Variants in VAV2 observed in about 807,000 individuals in gnomAD.
VAV2 encodes the protein guanine nucleotide exchange factor VAV2.
VAV2 carries 67 observed loss-of-function variants against 132.5 expected under a neutral mutation model. The observed-to-expected ratio is 0.51, with a 90% CI of 0.42 to 0.62. The LOEUF is 0.62. Among genes scored for constraint, VAV2 ranks in the 20% least tolerant of loss-of-function variants. VAV2 has a pLI of 0.00. For missense variants in VAV2, 938 were observed against 1,153.6 expected (o/e 0.81, Z 2.71); for synonymous variants, 492 against 443.5 (o/e 1.11, Z -1.37).
rs548932280 is a variant in VAV2 at position 133,988,662 on chromosome 9, G to A, written c.204+3413C>T. On this transcript the variant is annotated intron_variant, in intron 1 of 29. Transcript: ENST00000371850. ...GTTTCAGCCGGACGCGGGGGCTCACGTCTGTAATCCCAGCACTTTGGGAGG... is the reference window on the plus strand; with the variant it reads ...GTTTCAGCCGGACGCGGGGGCTCACATCTGTAATCCCAGCACTTTGGGAGG... Among the ~76,000 whole-genome samples, 152 of 152,320 alleles carry A rather than the reference G, an allele frequency of 1.0e-3. 1 individual carries two copies. Among genetic ancestry groups the A allele is most frequent in the African/African-American group, 3.4e-3 (142 of 41,564 alleles).
chr9:133,880,677 T>C (rs1035889405), intron 2 of VAV2, among the ~76,000 whole-genome samples: 1 of 152,232 alleles, frequency 6.6e-6, no homozygotes, highest in African/African-American at 2.4e-5. Flanking sequence ...TTAGTGACAA[T>C]GTGTCCACAC....
In VAV2 at chr9:133,829,820, G is replaced by A. The variant is rs555155316; in HGVS notation, c.449+4452C>T. Among the ~76,000 whole-genome samples, 338 of 152,146 alleles carry A rather than the reference G, an allele frequency of 2.2e-3. 10 individuals carry two copies. In the South Asian group the frequency reaches 0.027, roughly 12 times the overall value. ...AAAATACATTCTTATGATTAATTTCGTTTGTCCCTTCTTATTTTTTGACGT... is the reference window on the plus strand; with the variant it reads ...AAAATACATTCTTATGATTAATTTCATTTGTCCCTTCTTATTTTTTGACGT... On this transcript the variant is annotated intron_variant, in intron 4 of 29. Coordinates refer to ENST00000371850, the MANE Select transcript of VAV2 (RefSeq NM_001134398.2).
At position 133,802,552 on chromosome 9, in the gene VAV2, C is replaced by T. The variant is rs185360944; in HGVS notation, c.836+3529G>A. On this transcript the variant is annotated intron_variant, in intron 9 of 29. Coordinates refer to ENST00000371850, the MANE Select transcript of VAV2 (RefSeq NM_001134398.2). This position sits in a 1 kb window ranked among gnomAD's most constrained non-coding sequence, Gnocchi z 5.8. ...GGCCCGCCGTGTCCAGCATCCTGCCCGACCTCCCCTCTCTGCTGACAAGGT... is the reference window on the plus strand; with the variant it reads ...GGCCCGCCGTGTCCAGCATCCTGCCTGACCTCCCCTCTCTGCTGACAAGGT... Among the ~76,000 whole-genome samples, 142 of 152,322 alleles carry T rather than the reference C, an allele frequency of 9.3e-4. No homozygotes were observed. The highest frequency in any genetic ancestry group is 4.1e-3 in the South Asian group (20 of 4,824).
At position 133,992,045 on chromosome 9, in the gene VAV2, C is replaced by T. The variant is rs758098619; in HGVS notation, c.204+30G>A. ...GTCGGGCAGCGCGAACGCCGCCTCC[C>T]CGGGGCCCTCCCGCCCGCCGGGCGC... On this transcript the variant is annotated intron_variant, in intron 1 of 29. Transcript: ENST00000371850. The surrounding 1 kb of genome is among the most constrained non-coding windows in gnomAD (Gnocchi z 5.5). 5.3e-6 allele frequency: 8 copies of T among 1,507,038 alleles called. No individual in the cohort carries two copies. Among genetic ancestry groups the T allele is most frequent in the East Asian group, 2.8e-5 (1 of 35,418 alleles). 93.4% of individuals were successfully genotyped at this position (1,507,038 alleles called of 1,614,324 possible).
Position 133,795,666 on chromosome 9 carries a change from A to G in VAV2, c.1101+2T>C. 1 of 1,613,938 alleles carries G rather than the reference A, an allele frequency of 6.2e-7. No individual in the cohort carries two copies. Among genetic ancestry groups the G allele is most frequent in the Non-Finnish European group, 8.5e-7 (1 of 1,179,928 alleles). Reference sequence around the variant, plus strand: ...CTCCCCTGCCTCAGTTTACCCACACACCTGCATGGCTTCCAGTGCTTCTTT... The same window carrying G: ...CTCCCCTGCCTCAGTTTACCCACACGCCTGCATGGCTTCCAGTGCTTCTTT... On this transcript the variant is annotated splice_donor_variant, in intron 12 of 29. Transcript: ENST00000371850. LOFTEE classifies it high-confidence loss of function.
intron 11 of VAV2, among the ~76,000 whole-genome samples, chr9:133,796,219 T>C (rs1172773678): frequency 6.6e-6 from 1 of 152,228 alleles, no homozygotes; most frequent in African/African-American, 2.4e-5. Flanking sequence ...ACCTCTTTAG[T>C]GATTGGACTC....
intron 8 of VAV2, among the ~76,000 whole-genome samples, chr9:133,806,974 G>A (rs1311502792): frequency 6.6e-6 from 1 of 152,234 alleles, no homozygotes; most frequent in African/African-American, 2.4e-5. Context: ...TCTGGCCGCT[G>A]ACAAAAACTT....
intron 1 of VAV2, among the ~76,000 whole-genome samples, chr9:133,941,820 T>C (rs886500525): frequency 3.3e-5 from 5 of 152,076 alleles, no homozygotes; most frequent in Non-Finnish European, 7.4e-5. Flanking sequence ...GTCAGGCTGG[T>C]CTCCAACTCT....
intron 4 of VAV2, among the ~76,000 whole-genome samples, chr9:133,820,257 C>T (rs567216670): frequency 5.8e-4 from 88 of 152,268 alleles, no homozygotes; most frequent in African/African-American, 2.0e-3. Context: ...CCATCACCGA[C>T]GTGGAAATGC....
intron 1 of VAV2, among the ~76,000 whole-genome samples, chr9:133,952,206 T>G (rs1437370760): frequency 6.6e-6 from 1 of 152,056 alleles, no homozygotes; most frequent in South Asian, 2.1e-4. Flanking sequence ...GCAAGTGTAA[T>G]GGGTTGAATG....
chr9:133,815,030 TG>T (rs1835504348), intron 4 of VAV2, among the ~76,000 whole-genome samples: 1 of 152,098 alleles, frequency 6.6e-6, no homozygotes, highest in Non-Finnish European at 1.5e-5. Context: ...GATCCCGGGA[TG>T]GAAGAGGCAC....
intron 2 of VAV2, among the ~76,000 whole-genome samples, chr9:133,871,083 C>CGTGG (rs1395517137): frequency 7.2e-4 from 51 of 70,984 alleles, no homozygotes; most frequent in Admixed American, 1.0e-3. Context: ...TGGATAAATG[C>CGTGG]GTGGGTGGGT....
At chr9:133,815,264 T>G (rs1456212540) in intron 4 of VAV2, among the ~76,000 whole-genome samples, 5 of 152,080 alleles carry the variant, frequency 3.3e-5, no homozygotes, top group Non-Finnish European at 4.4e-5. Flanking sequence ...TCCACGTCTG[T>G]GTAGCACCCG....
intron 4 of VAV2, among the ~76,000 whole-genome samples, chr9:133,825,532 C>T (rs1835952531): frequency 6.6e-6 from 1 of 152,172 alleles, no homozygotes; most frequent in Admixed American, 6.5e-5. Context: ...TAAGGTGTCC[C>T]AAACCCAGCC....
rs188781856 is a variant in VAV2 at position 133,861,456 on chromosome 9, T to A, written c.322-24A>T. On this transcript the variant is annotated intron_variant, in intron 2 of 29. Transcript: ENST00000371850. The stretch of plus-strand genomic sequence containing the variant: ...ACCTGGGGGAGACAAGAAGAGACGC[T>A]CCTGTAATTTCACAAGAAACCAGAA... The A allele has an allele frequency of 6.5e-5, 105 of 1,609,932 alleles. No homozygotes were observed. In the African/African-American group the frequency reaches 1.3e-3, roughly 20 times the overall value.
At position 133,903,068 on chromosome 9, in the gene VAV2, C is replaced by T. The variant is rs569368758; in HGVS notation, c.321+36035G>A. 6.8e-5 allele frequency among the ~76,000 whole-genome samples: 10 copies of T among 147,970 alleles called. No homozygotes were observed. The East Asian group carries it at 1.8e-3, about 26-fold the overall frequency. On this transcript the variant is annotated intron_variant, in intron 2 of 29. Coordinates refer to ENST00000371850, the MANE Select transcript of VAV2 (RefSeq NM_001134398.2). ...CCAGCCTGGGCAACAAGAGCGAAAC[C>T]CTGCCCCAGGAAAAAAAAAAAAAAA...
intron 3 of VAV2, among the ~76,000 whole-genome samples, chr9:133,859,552 G>A (rs1033636944): frequency 6.6e-6 from 1 of 152,100 alleles, no homozygotes; most frequent in Non-Finnish European, 1.5e-5. Flanking sequence ...CAAAAGTCTA[G>A]TATTTTGTGC....
chr9:133,792,992 T>C (rs1326139678), intron 12 of VAV2, among the ~76,000 whole-genome samples: 1 of 152,082 alleles, frequency 6.6e-6, no homozygotes, highest in African/African-American at 2.4e-5. Flanking sequence ...AAGAGCCACC[T>C]AGACTTGGGC....
chr9:133,902,156 C>G (rs1024365211), intron 2 of VAV2, among the ~76,000 whole-genome samples: 2 of 152,094 alleles, frequency 1.3e-5, no homozygotes, highest in Non-Finnish European at 2.9e-5. Context: ...CCATCAGCTC[C>G]CCCTGCAATT....
Sources: gnomAD v4.1 joint callset for allele counts (sites outside exome capture counted in the v4.1 genomes callset) on GRCh38, gnomAD v4.1.1 for gene constraint, Gnocchi (gnomAD v3.1) non-coding constraint, MANE v1.5 for transcripts, NCBI Gene and HGNC (gene_info 2026-07-23, HGNC 2026-07-21) for gene names.